The following NDUFV3 variants were observed in gnomAD, a reference collection of about 807,000 sequenced individuals.
NDUFV3 encodes NADH:ubiquinone oxidoreductase subunit V3, also known as NADH dehydrogenase [ubiquinone] flavoprotein 3, mitochondrial.
In NDUFV3, 44 loss-of-function variants were observed where a neutral mutation model predicts 37.5. The ratio of observed to expected loss-of-function variants is 1.17; its 90% CI spans 0.92 to 1.51. The LOEUF (loss-of-function observed/expected upper bound fraction) is 1.51, where lower values mean the gene tolerates loss of function less well. Ranked by LOEUF, NDUFV3 falls within the 40% of genes most tolerant of loss-of-function variation. NDUFV3 has a pLI of 0.00. For missense variants in NDUFV3, 580 were observed against 580.4 expected (o/e 1.00, Z 0.01); for synonymous variants, 235 against 239.3 (o/e 0.98, Z 0.17).
At position 42,907,877 on chromosome 21, in the gene NDUFV3, C is replaced by T. The variant is rs140194977; in HGVS notation, c.1265-987C>T. On this transcript the variant is annotated intron_variant, in intron 3 of 3. Coordinates refer to ENST00000354250, the MANE Select transcript of NDUFV3 (RefSeq NM_021075.4). ...AAGTGCTGGGATTATGGGCGTAAGCCACCATGCCCAGCCCAGATTTCTAAT... is the reference window on the plus strand; with the variant it reads ...AAGTGCTGGGATTATGGGCGTAAGCTACCATGCCCAGCCCAGATTTCTAAT... 1.5e-3 allele frequency among the ~76,000 whole-genome samples: 220 copies of T among 151,614 alleles called. 1 individual carries two copies. The highest frequency in any genetic ancestry group is 5.0e-3 in the African/African-American group (208 of 41,304).
rs1272368422 is a variant in NDUFV3 at position 42,894,434 on chromosome 21, TA to T, written c.48+1054del. Among the ~76,000 whole-genome samples, 3 of 57,232 alleles carry T rather than the reference TA, an allele frequency of 5.2e-5. 1 individual carries two copies. Among genetic ancestry groups the T allele is most frequent in the Non-Finnish European group, 8.7e-5 (3 of 34,376 alleles). 37.5% of individuals were successfully genotyped at this position (57,232 alleles called of 152,430 possible). A position where few individuals can be genotyped will look rare whatever the true frequency, so the allele number is the denominator to read the frequency against. On this transcript the variant is annotated intron_variant, in intron 1 of 3. Transcript: ENST00000354250. Reference sequence around the variant, plus strand: ...ATATATAATATATTATATAAATATATATTATATAATATATATAATATGTTTA... The same window carrying T: ...ATATATAATATATTATATAAATATATTTATATAATATATATAATATGTTTA...
At chr21:42,898,729 C>G (rs1464601901) in intron 2 of NDUFV3, among the ~76,000 whole-genome samples, 1 of 152,170 alleles carries the variant, frequency 6.6e-6, no homozygotes, top group Non-Finnish European at 1.5e-5. Flanking sequence ...CCTCAAACTC[C>G]CATAGTATTG....
rs748458972 is a variant in NDUFV3 at position 42,897,051 on chromosome 21, A to T, written c.169+4A>T. ...AAGAAGCAAAGTCCACCAAAAAGTA[A>T]GATTTTGATGGTAGTCATAAGGGAA... On this transcript the variant is annotated splice_donor_region_variant and intron_variant, in intron 2 of 3. Transcript: ENST00000354250. 6.2e-7 allele frequency: 1 copy of T among 1,613,906 alleles called. No homozygotes were observed. The highest frequency in any genetic ancestry group is 8.5e-7 in the Non-Finnish European group (1 of 1,179,874).
chr21:42,908,449 C>T (rs2058752026), intron 3 of NDUFV3, among the ~76,000 whole-genome samples: 1 of 152,074 alleles, frequency 6.6e-6, no homozygotes, highest in African/African-American at 2.4e-5. Context: ...ACAATTTGTT[C>T]CTCACAGATA....
intron 3 of NDUFV3, chr21:42,906,824 A>G (rs367756660): frequency 1.3e-4 from 68 of 516,582 alleles, no homozygotes; most frequent in Middle Eastern, 6.3e-4. Context: ...CTAAAATAGT[A>G]CGTTCTGCTT....
Position 42,909,930 on chromosome 21 carries a change from C to G in NDUFV3, c.*909C>G, listed in dbSNP as rs991301927. On this transcript the variant is annotated 3_prime_UTR_variant, in exon 4 of 4. Transcript: ENST00000354250. ...TTAAACTCCTGACCTCATGATCTAC[C>G]TGCCTCAGCCTCCCAAAATGCTGGC... 6.6e-6 allele frequency: 1 copy of G among 151,952 alleles called. No individual in the cohort carries two copies. Among genetic ancestry groups the G allele is most frequent in the Non-Finnish European group, 1.5e-5 (1 of 68,028 alleles). 9.4% of individuals were successfully genotyped at this position (151,952 alleles called of 1,614,324 possible). A position where few individuals can be genotyped will look rare whatever the true frequency, so the allele number is the denominator to read the frequency against.
At chr21:42,897,824 C>A (rs972593667) in intron 2 of NDUFV3, among the ~76,000 whole-genome samples, 4 of 151,550 alleles carry the variant, frequency 2.6e-5, no homozygotes. Flanking sequence ...CTACAGGCGC[C>A]CACCACCATG....
In NDUFV3 at chr21:42,893,324, T is replaced by C; in HGVS notation, c.-10T>C. The C allele has an allele frequency of 6.5e-7, 1 of 1,537,948 alleles. No individual in the cohort carries two copies. Reference sequence around the variant, plus strand: ...CTGTGGCCCTGCTTGGTGCGCCCGCTGTCACCGCCATGGCTGCCCCGTGTT... The same window carrying C: ...CTGTGGCCCTGCTTGGTGCGCCCGCCGTCACCGCCATGGCTGCCCCGTGTT... On this transcript the variant is annotated 5_prime_UTR_variant, in exon 1 of 4. Transcript: ENST00000354250.
In NDUFV3 at chr21:42,903,983, C is replaced by A. The variant is rs762496246; in HGVS notation, c.971C>A (p.Ala324Asp). ...GCCAGAGCAGAGGGGCAGCTGCAAG[C>A]CAGTCCTCCTGGGGCGGCAGAGGGG... ...EEARAEGQLQ[A>D]SPPGAAEGHL... Residue 324 changes from alanine to aspartate, a missense_variant, in exon 3 of 4, where the codon GCC (alanine) becomes GAC (aspartate). Coordinates refer to ENST00000354250, the MANE Select transcript of NDUFV3 (RefSeq NM_021075.4). The A allele has an allele frequency of 1.2e-6, 2 of 1,614,106 alleles. No homozygotes were observed. The highest frequency in any genetic ancestry group is 1.3e-5 in the African/African-American group (1 of 75,060).
rs1036698508 is a variant in NDUFV3, at chr21:42,903,050, A to G, written c.170-132A>G. 1.9e-5 allele frequency: 24 copies of G among 1,280,798 alleles called. 1 individual carries two copies. The African/African-American group carries it at 2.5e-4, about 13-fold the overall frequency. 79.3% of individuals were successfully genotyped at this position (1,280,798 alleles called of 1,614,324 possible). Reference sequence around the variant, plus strand: ...TCAGTTGGTTGCTTGGTGGGTTTCTATGGGACCTGTCTTAGGATGATTGCA... The same window carrying G: ...TCAGTTGGTTGCTTGGTGGGTTTCTGTGGGACCTGTCTTAGGATGATTGCA... On this transcript the variant is annotated intron_variant, in intron 2 of 3. Coordinates refer to ENST00000354250, the MANE Select transcript of NDUFV3 (RefSeq NM_021075.4).
At chr21:42,902,252 A>T (rs1001879630) in intron 2 of NDUFV3, among the ~76,000 whole-genome samples, 58 of 148,260 alleles carry the variant, frequency 3.9e-4, no homozygotes, top group Non-Finnish European at 6.5e-4. Flanking sequence ...AAGTAAAAAT[A>T]AAAAAAAACT....
chr21:42,899,288 A>C (rs1437787838), intron 2 of NDUFV3, among the ~76,000 whole-genome samples: 1 of 32,732 alleles, frequency 3.1e-5, no homozygotes, highest in African/African-American at 4.0e-4. Context: ...TTTTTTTTTG[A>C]GACAGAGTTT....
Position 42,904,200 on chromosome 21 carries a change from A to G in NDUFV3, c.1188A>G (p.Ala396=). The part of the protein sequence containing the change: ...ENNHGFHEKT[A]ALKLEAEGEA... The stretch of plus-strand genomic sequence containing the variant: ...ACCACGGTTTCCATGAAAAGACAGC[A>G]GCGCTGAAGCTTGAGGCCGAGGGCG... Residue 396 remains alanine, a synonymous_variant, in exon 3 of 4, where the codon GCA becomes GCG. Transcript: ENST00000354250. 1 of 1,614,140 alleles carries G rather than the reference A, an allele frequency of 6.2e-7. No individual in the cohort carries two copies. The highest frequency in any genetic ancestry group is 1.1e-5 in the South Asian group (1 of 91,072).
At chr21:42,893,861 A>G (rs1403022417) in intron 1 of NDUFV3, among the ~76,000 whole-genome samples, 2 of 152,220 alleles carry the variant, frequency 1.3e-5, no homozygotes, top group Non-Finnish European at 2.9e-5. Context: ...AAGCCAGCTG[A>G]CATGACCTGA....
At position 42,909,092 on chromosome 21, in the gene NDUFV3, CAA is replaced by C. The variant is rs1455757695; in HGVS notation, c.*72_*73del. On this transcript the variant is annotated 3_prime_UTR_variant, in exon 4 of 4. Transcript: ENST00000354250. ...CTGGAGTGCAAAAATAAAATCCACT[CAA>C]GAGTCACAAGGCCCGCTGTGCATAA... The C allele has an allele frequency of 1.4e-5, 19 of 1,382,130 alleles. No homozygotes were observed. The highest frequency in any genetic ancestry group is 1.9e-4 in the Middle Eastern group (1 of 5,312). The allele number at this position is 1,382,130 out of a possible 1,614,324, so 85.6% of individuals were successfully genotyped here.
chr21:42,908,930 A>ACAT lies in NDUFV3; in HGVS notation c.1333_1334insTCA (p.Tyr444_Ser445insIle). The ACAT allele has an allele frequency of 6.2e-7, 1 of 1,614,086 alleles. No homozygotes were observed. Among genetic ancestry groups the ACAT allele is most frequent in the South Asian group, 1.1e-5 (1 of 91,076 alleles). On this transcript the variant is annotated inframe_insertion, in exon 4 of 4. Transcript: ENST00000354250. ...TACAAGAACCTGCAGCATCATGACT[A>ACAT]CAGCACGTACACCTTCTTAGACCTC...
intron 2 of NDUFV3, among the ~76,000 whole-genome samples, chr21:42,897,513 A>G (rs1450133910): frequency 6.6e-6 from 1 of 152,180 alleles, no homozygotes; most frequent in Non-Finnish European, 1.5e-5. Flanking sequence ...AGCTGGGACT[A>G]CAGGCATGTG....
At chr21:42,903,131 G>A in intron 2 of NDUFV3, 51 bp from the exon 3 acceptor site, 1 of 1,609,818 alleles carries the variant, frequency 6.2e-7, no homozygotes, top group Middle Eastern at 1.7e-4. Context: ...AATTTTGACT[G>A]AGTTTTAAGT....
Position 42,895,208 on chromosome 21 carries a change from C to T in NDUFV3, c.49-1719C>T, listed in dbSNP as rs978243277. Among the ~76,000 whole-genome samples the T allele has an allele frequency of 3.3e-5, 5 of 152,096 alleles. No individual in the cohort carries two copies. In the South Asian group the frequency reaches 8.3e-4, roughly 25 times the overall value. ...TACTAAAAATACAAGAAGAGCCAAG[C>T]GCGGTAGCTCACACCTGTAATGCCA... is the stretch of plus-strand genomic sequence containing the variant. On this transcript the variant is annotated intron_variant, in intron 1 of 3. Coordinates refer to ENST00000354250, the MANE Select transcript of NDUFV3 (RefSeq NM_021075.4).
Sources: gnomAD v4.1 joint callset for allele counts (sites outside exome capture counted in the v4.1 genomes callset) on GRCh38, gnomAD v4.1.1 for gene constraint, MANE v1.5 for transcripts, NCBI Gene and HGNC (gene_info 2026-07-23, HGNC 2026-07-21) for gene names.